Variants in ST6GALNAC3 observed in about 807,000 individuals in gnomAD.
The protein encoded by ST6GALNAC3 is alpha-N-acetylgalactosaminide alpha-2,6-sialyltransferase 3.
Under a neutral mutation model 32.7 loss-of-function variants are expected in ST6GALNAC3, and 25 were observed. That is an observed-to-expected ratio of 0.76 (90% CI 0.56 to 1.07). The LOEUF (loss-of-function observed/expected upper bound fraction) is 1.07. ST6GALNAC3 is among the 50% of genes least tolerant of loss of function. The pLI is 0.00. For missense variants in ST6GALNAC3, 355 were observed against 382.4 expected, an observed-to-expected ratio of 0.93 and a Z score of 0.60; for synonymous variants, 129 against 133.1, an observed-to-expected ratio of 0.97 and a Z score of 0.21.
chr1:76,343,896 G>A (rs116199667), intron 2 of ST6GALNAC3, among the ~76,000 whole-genome samples: 2 of 152,182 alleles, frequency 1.3e-5, no homozygotes, highest in East Asian at 1.9e-4. Context: ...GGCAACCTAT[G>A]AGAATTGCTT....
chr1:76,529,651 A>G (rs2101816859), intron 3 of ST6GALNAC3, among the ~76,000 whole-genome samples: 1 of 152,324 alleles, frequency 6.6e-6, no homozygotes, highest in East Asian at 1.9e-4. Flanking sequence ...TGAGTAATAC[A>G]GACACAATTA....
chr1:76,466,221 G>C (rs1229037056), intron 3 of ST6GALNAC3, among the ~76,000 whole-genome samples: 1 of 152,060 alleles, frequency 6.6e-6, no homozygotes, highest in Non-Finnish European at 1.5e-5. Context: ...CATAGTCTCA[G>C]ATATAAGGAG....
At chr1:76,557,169 C>T (rs315051) in intron 3 of ST6GALNAC3, among the ~76,000 whole-genome samples, 56,388 of 151,650 alleles carry the variant, frequency 0.37, 12,472 homozygotes, top group African/African-American at 0.63. Flanking sequence ...TTAGCACTCT[C>T]ATAAAAAATT....
chr1:76,363,563 A>G (rs1315590586), intron 2 of ST6GALNAC3, among the ~76,000 whole-genome samples: 1 of 152,132 alleles, frequency 6.6e-6, no homozygotes, highest in Non-Finnish European at 1.5e-5. Flanking sequence ...GTTGTTTCAT[A>G]TTCAGGTATC....
At chr1:76,388,978 G>A (rs1383195385) in intron 2 of ST6GALNAC3, among the ~76,000 whole-genome samples, 1 of 143,816 alleles carries the variant, frequency 7.0e-6, no homozygotes, top group Non-Finnish European at 1.5e-5. Flanking sequence ...GTGGTTGTTA[G>A]TTGGTATGGT....
intron 2 of ST6GALNAC3, among the ~76,000 whole-genome samples, chr1:76,380,767 T>C (rs902963868): frequency 6.6e-6 from 1 of 152,224 alleles, no homozygotes; most frequent in Non-Finnish European, 1.5e-5. Flanking sequence ...AATAGAGTGA[T>C]AACTTGAGTT....
chr1:76,310,949 A>G (rs571833376), intron 1 of ST6GALNAC3, among the ~76,000 whole-genome samples: 13 of 152,212 alleles, frequency 8.5e-5, no homozygotes, highest in African/African-American at 2.4e-4. Context: ...TCCTGCTCTG[A>G]CAACTCTGGT....
At chr1:76,235,032 T>G (rs1656570897) in intron 1 of ST6GALNAC3, among the ~76,000 whole-genome samples, 1 of 152,170 alleles carries the variant, frequency 6.6e-6, no homozygotes. Flanking sequence ...AAACTCAAAG[T>G]AGCAGGGCCT....
intron 1 of ST6GALNAC3, among the ~76,000 whole-genome samples, chr1:76,296,973 A>C (rs1227139616): frequency 6.6e-6 from 1 of 152,010 alleles, no homozygotes; most frequent in Non-Finnish European, 1.5e-5. Context: ...AGTATTACTA[A>C]TATTTTGTAT....
At position 76,627,527 on chromosome 1, in the gene ST6GALNAC3, C is replaced by T. The variant is rs1212420117; in HGVS notation, c.699C>T (p.His233=). 5.0e-6 allele frequency: 8 copies of T among 1,612,582 alleles called. No individual in the cohort carries two copies. The highest frequency in any genetic ancestry group is 1.3e-5 in the African/African-American group (1 of 74,874). The change falls in exon 4 of 5, where the codon CAC becomes CAT. Residue 233 remains histidine (H), a synonymous_variant. Transcript: ENST00000328299. ...CCATGGACGCCTGTTATGGCATTCA[C>T]GTCTACGGGATGATAAATGACACCT... The part of the protein sequence containing the change: ...LLAMDACYGI[H]VYGMINDTYC...
At chr1:76,317,372 A>G (rs545413658) in intron 2 of ST6GALNAC3, among the ~76,000 whole-genome samples, 2 of 152,272 alleles carry the variant, frequency 1.3e-5, no homozygotes, top group Admixed American at 6.5e-5. Flanking sequence ...CCAAAGTAAT[A>G]TAGCTGAAAT....
chr1:76,490,194 G>A (rs760262010), intron 3 of ST6GALNAC3, among the ~76,000 whole-genome samples: 25 of 152,000 alleles, frequency 1.6e-4, no homozygotes, highest in Non-Finnish European at 2.8e-4. Context: ...CCAGACCTGA[G>A]GTAGAAATAG....
chr1:76,305,170 A>C (rs552017308), intron 1 of ST6GALNAC3, among the ~76,000 whole-genome samples: 1 of 152,172 alleles, frequency 6.6e-6, no homozygotes, highest in Admixed American at 6.6e-5. Context: ...AAATGATGGA[A>C]AGTCCTGATG....
intron 1 of ST6GALNAC3, among the ~76,000 whole-genome samples, chr1:76,278,184 A>G (rs1659279799): frequency 7.9e-6 from 1 of 127,292 alleles, no homozygotes; most frequent in Admixed American, 7.7e-5. Flanking sequence ...AATAAATGGT[A>G]TCTTTCAGTA....
rs796492260 is a variant in ST6GALNAC3 at position 76,255,212 on chromosome 1, A to G, written c.19-58593A>G. On this transcript the variant is annotated intron_variant, in intron 1 of 4. Coordinates refer to ENST00000328299, the MANE Select transcript of ST6GALNAC3 (RefSeq NM_152996.4). ...TACCCCTGTGTCAATTTCATCTCCTACATGAATCCATCCCCCTCCCTTTCC... is the reference window on the plus strand; with the variant it reads ...TACCCCTGTGTCAATTTCATCTCCTGCATGAATCCATCCCCCTCCCTTTCC... Among the ~76,000 whole-genome samples the G allele has an allele frequency of 2.6e-4, 39 of 152,068 alleles. 1 individual carries two copies. Among genetic ancestry groups the G allele is most frequent in the African/African-American group, 8.7e-4 (36 of 41,498 alleles).
At chr1:76,295,307 T>C (rs1180152336) in intron 1 of ST6GALNAC3, among the ~76,000 whole-genome samples, 4 of 152,230 alleles carry the variant, frequency 2.6e-5, no homozygotes, top group African/African-American at 7.2e-5. Context: ...CCCTTTGTAG[T>C]TGAAAACTCT....
At chr1:76,112,364 C>A (rs1220857571) in intron 1 of ST6GALNAC3, among the ~76,000 whole-genome samples, 1 of 141,354 alleles carries the variant, frequency 7.1e-6, no homozygotes, top group Non-Finnish European at 1.5e-5. Context: ...GCTGGCCGGG[C>A]GGGGGGCTGA....
At chr1:76,463,575 A>G (rs1046128343) in intron 3 of ST6GALNAC3, among the ~76,000 whole-genome samples, 2 of 152,278 alleles carry the variant, frequency 1.3e-5, no homozygotes, top group East Asian at 3.9e-4. Context: ...CCTGAAATGA[A>G]TATTTGTTGA....
chr1:76,130,315 C>T (rs1413443600), intron 1 of ST6GALNAC3, among the ~76,000 whole-genome samples: 1 of 152,190 alleles, frequency 6.6e-6, no homozygotes, highest in African/African-American at 2.4e-5. Context: ...GTGGCTTGTA[C>T]ACCATTACCA....
Sources: gnomAD v4.1 joint callset for allele counts (sites outside exome capture counted in the v4.1 genomes callset) on GRCh38, gnomAD v4.1.1 for gene constraint, MANE v1.5 for transcripts, NCBI Gene and HGNC (gene_info 2026-07-23, HGNC 2026-07-21) for gene names.